OSBPL8: variants seen among roughly 807,000 people sequenced by gnomAD.
OSBPL8 encodes oxysterol-binding protein-related protein 8.
Under a neutral mutation model 125.5 loss-of-function variants are expected in OSBPL8, and 59 were observed. The ratio of observed to expected loss-of-function variants is 0.47; its 90% confidence interval spans 0.38 to 0.58. OSBPL8 has a LOEUF of 0.58. Ranked by LOEUF, OSBPL8 falls within the 20% of genes least tolerant of loss-of-function variation. The pLI is 0.00. For missense variants in OSBPL8, 758 were observed against 1,047.8 expected (o/e 0.72, Z 3.82); for synonymous variants, 330 against 338.9 (o/e 0.97, Z 0.29).
chr12:76,399,379 A>G (rs533621836), intron 7 of OSBPL8, among the ~76,000 whole-genome samples: 1 of 152,324 alleles, frequency 6.6e-6, no homozygotes, highest in South Asian at 2.1e-4. Flanking sequence ...AAAGGAAAGA[A>G]AAATAACCAG....
chr12:76,369,959 G>T, intron 19 of OSBPL8, 137 bp from the exon 20 acceptor site: 1 of 756,056 alleles, frequency 1.3e-6, no homozygotes, highest in Non-Finnish European at 2.0e-6. Flanking sequence ...TATGCTCATA[G>T]GCTTAGAAAT....
intron 4 of OSBPL8, among the ~76,000 whole-genome samples, chr12:76,426,466 C>T (rs1182002237): frequency 6.6e-6 from 1 of 151,972 alleles, no homozygotes; most frequent in Admixed American, 6.6e-5. Context: ...GATATGCATA[C>T]ATGATGGTAA....
chr12:76,368,014 C>A (rs1346558971), intron 21 of OSBPL8, among the ~76,000 whole-genome samples: 1 of 152,168 alleles, frequency 6.6e-6, no homozygotes, highest in Non-Finnish European at 1.5e-5. Context: ...ATTTGTCCAA[C>A]TATTTACTAA....
In OSBPL8 at chr12:76,422,991, C is replaced by T. The variant is rs558567916; in HGVS notation, c.218-12357G>A. 261 of 160,228 alleles carry T rather than the reference C, an allele frequency of 1.6e-3. 2 individuals are homozygous for T. Among genetic ancestry groups the T allele is most frequent in the Non-Finnish European group, 2.8e-3 (203 of 72,276 alleles). 9.9% of individuals were successfully genotyped at this position (160,228 alleles called of 1,614,324 possible). A position where few individuals can be genotyped will look rare whatever the true frequency, so the allele number is the denominator to read the frequency against. On this transcript the variant is annotated intron_variant, in intron 4 of 23. Coordinates refer to ENST00000261183, the MANE Select transcript of OSBPL8 (RefSeq NM_020841.5). Reference sequence around the variant, plus strand: ...AAAACAAAACAAGATCAATACTTAGCAATTCAAGATGAAGCAATAAAGTCA... The same window carrying T: ...AAAACAAAACAAGATCAATACTTAGTAATTCAAGATGAAGCAATAAAGTCA...
At chr12:76,473,357 T>C (rs1187100235) in intron 2 of OSBPL8, among the ~76,000 whole-genome samples, 5 of 152,232 alleles carry the variant, frequency 3.3e-5, no homozygotes, top group African/African-American at 1.2e-4. Context: ...CCTGGGCACC[T>C]AGGTGGCTTG....
intron 16 of OSBPL8, among the ~76,000 whole-genome samples, chr12:76,377,127 A>AGT (rs1952850129): frequency 1.3e-5 from 2 of 152,116 alleles, no homozygotes. Context: ...ATGGCTGCAT[A>AGT]GTGTTCCATG....
intron 1 of OSBPL8, among the ~76,000 whole-genome samples, chr12:76,553,456 G>A (rs761705723): frequency 9.2e-5 from 14 of 151,576 alleles, no homozygotes; most frequent in South Asian, 8.4e-4. Flanking sequence ...TTGAGGCTAG[G>A]GGTTCAAGAC....
At chr12:76,508,501 T>G (rs1169097586) in intron 1 of OSBPL8, among the ~76,000 whole-genome samples, 1 of 152,008 alleles carries the variant, frequency 6.6e-6, no homozygotes, top group Non-Finnish European at 1.5e-5. Flanking sequence ...AGGGACTGGG[T>G]AAAATAAGGC....
intron 2 of OSBPL8, among the ~76,000 whole-genome samples, chr12:76,484,792 A>T (rs1353484041): frequency 6.6e-6 from 1 of 152,188 alleles, no homozygotes. Flanking sequence ...CCTCAACGTT[A>T]GTTTCAAATA....
intron 2 of OSBPL8, among the ~76,000 whole-genome samples, chr12:76,463,124 T>TA (rs1334182774): frequency 6.6e-6 from 1 of 152,202 alleles, no homozygotes; most frequent in African/African-American, 2.4e-5. Context: ...GAGACAAGGG[T>TA]ATAATCACTT....
At chr12:76,511,642 A>G (rs1285116415) in intron 1 of OSBPL8, among the ~76,000 whole-genome samples, 1 of 152,188 alleles carries the variant, frequency 6.6e-6, no homozygotes, top group Non-Finnish European at 1.5e-5. Context: ...TGAGGTACAT[A>G]GTTAGCAAAT....
At chr12:76,455,608 T>C (rs529653195) in intron 3 of OSBPL8, among the ~76,000 whole-genome samples, 1 of 152,296 alleles carries the variant, frequency 6.6e-6, no homozygotes, top group East Asian at 1.9e-4. Context: ...AACAGCAGTA[T>C]ACAGAGTGCA....
intron 2 of OSBPL8, among the ~76,000 whole-genome samples, chr12:76,485,213 G>A (rs924246753): frequency 5.3e-5 from 8 of 151,756 alleles, no homozygotes; most frequent in Admixed American, 3.3e-4. Context: ...GTGACGCACC[G>A]TGCCCGGCCT....
At chr12:76,390,787 G>C in intron 10 of OSBPL8, 130 bp from the exon 11 acceptor site, 1 of 618,344 alleles carries the variant, frequency 1.6e-6, no homozygotes, top group Non-Finnish European at 2.8e-6. Context: ...GTTTTACATA[G>C]TGTTAATTCA....
rs8181732 is a variant in OSBPL8, at chr12:76,420,479, G to A, written c.218-9845C>T. 1.2e-4 allele frequency among the ~76,000 whole-genome samples: 18 copies of A among 152,088 alleles called. No individual in the cohort carries two copies. The East Asian group carries it at 3.3e-3, about 28-fold the overall frequency. On this transcript the variant is annotated intron_variant, in intron 4 of 23. Coordinates refer to ENST00000261183, the MANE Select transcript of OSBPL8 (RefSeq NM_020841.5). ...CATCATGACATCACTATGGGTACAG[G>A]GGCAGGGGTGTCACATCCATGTTAT...
intron 4 of OSBPL8, among the ~76,000 whole-genome samples, chr12:76,444,425 C>G (rs909245575): frequency 6.6e-6 from 1 of 152,068 alleles, no homozygotes; most frequent in Non-Finnish European, 1.5e-5. Flanking sequence ...CAAAAGAGAA[C>G]AGATTTAAAC....
At chr12:76,393,485 C>A (rs1244405551) in intron 9 of OSBPL8, among the ~76,000 whole-genome samples, 1 of 151,416 alleles carries the variant, frequency 6.6e-6, no homozygotes, top group East Asian at 1.9e-4. Context: ...CCGAGGCAGG[C>A]GGATCACGAG....
intron 1 of OSBPL8, among the ~76,000 whole-genome samples, chr12:76,507,028 T>C (rs958970088): frequency 6.7e-6 from 1 of 150,100 alleles, no homozygotes; most frequent in African/African-American, 2.5e-5. Flanking sequence ...TAAAAGAGTA[T>C]GGCATTTGAC....
At chr12:76,553,827 A>AAC (rs1217804717) in intron 1 of OSBPL8, among the ~76,000 whole-genome samples, 1 of 151,850 alleles carries the variant, frequency 6.6e-6, no homozygotes, top group Non-Finnish European at 1.5e-5. Context: ...AATACAAAAA[A>AAC]TTAGCTGGGC....
Sources: allele counts gnomAD v4.1 joint callset (sites outside exome capture counted in the v4.1 genomes callset), GRCh38; gene constraint gnomAD v4.1.1; transcripts MANE v1.5; gene names NCBI Gene and HGNC (gene_info 2026-07-23, HGNC 2026-07-21).